Variants in EXOC6 observed in about 807,000 individuals in gnomAD.
The protein encoded by EXOC6 is SEC15-like 1.
A neutral mutation model predicts 112.5 loss-of-function variants in EXOC6; 60 were observed. The observed-to-expected ratio is 0.53, with a 90% CI of 0.43 to 0.66. The LOEUF (loss-of-function observed/expected upper bound fraction) is 0.66. EXOC6 is among the 30% of genes least tolerant of loss of function. The probability of loss-of-function intolerance (pLI) is 0.00; values close to 1 mark genes in which losing one functional copy is unlikely to be tolerated. For missense variants in EXOC6, 855 were observed against 957.1 expected, an observed-to-expected ratio of 0.89 and a Z score of 1.41; for synonymous variants, 295 against 308.0, an observed-to-expected ratio of 0.96 and a Z score of 0.44.
intron 1 of EXOC6, among the ~76,000 whole-genome samples, chr10:92,862,124 T>C (rs974383292): frequency 6.6e-6 from 1 of 152,242 alleles, no homozygotes; most frequent in Non-Finnish European, 1.5e-5. Context: ...AAAGAAACCT[T>C]GTACACATTA....
intron 12 of EXOC6, among the ~76,000 whole-genome samples, chr10:92,938,778 T>G (rs1852497938): frequency 6.6e-6 from 1 of 152,140 alleles, no homozygotes; most frequent in South Asian, 2.1e-4. Flanking sequence ...TTTACTTACT[T>G]GTAAACGAAT....
intron 1 of EXOC6, among the ~76,000 whole-genome samples, chr10:92,880,656 T>TA (rs900319029): frequency 6.6e-5 from 10 of 151,794 alleles, no homozygotes; most frequent in Non-Finnish European, 1.3e-4. Context: ...AACCTTGTGT[T>TA]AAAAAAAATG....
intron 1 of EXOC6, chr10:92,878,354 C>T (rs1324258548): frequency 2.6e-5 from 4 of 152,044 alleles, no homozygotes; most frequent in Non-Finnish European, 4.4e-5. Context: ...AGGTCCAAGA[C>T]AGAAAAAAGG....
At chr10:92,848,436 C>A, upstream of EXOC6, 1 of 823,204 alleles carries the variant, frequency 1.2e-6, no homozygotes, top group Non-Finnish European at 1.5e-6. Context: ...CCCGAGCGCC[C>A]CGCCCCCGCC....
rs1398759870 is a variant in EXOC6, at chr10:92,848,590, G to T, written c.57G>T (p.Gln19His). 13 of 1,454,972 alleles carry T rather than the reference G, an allele frequency of 8.9e-6. No individual in the cohort carries two copies. The highest frequency in any genetic ancestry group is 1.0e-5 in the Non-Finnish European group (11 of 1,087,138). The allele number at this position is 1,454,972 out of a possible 1,614,324, so 90.1% of individuals were successfully genotyped here. ...TCCCCGAGCACGAGCGGATCTTGCA[G>T]GAGATCGAGAGCACCGACACCGCCT... ...GTVPEHERIL[Q>H]EIESTDTACV... Residue 19 changes from glutamine (Q) to histidine (H), a missense_variant, in exon 1 of 22, where the codon CAG becomes CAT. This residue lies in a region of EXOC6 where 405 missense variants were observed against 393.6 expected (regional missense o/e 1.03). Transcript: ENST00000260762.
intron 6 of EXOC6, among the ~76,000 whole-genome samples, chr10:92,911,927 CTCTCTGTGTGCGTGTG>C (rs1420003370): frequency 3.0e-5 from 3 of 99,466 alleles, no homozygotes; most frequent in African/African-American, 1.1e-4. Context: ...CTCTCTCTCT[CTCTCTGTGTGCGTGTG>C]TGTGTGTGTG....
At chr10:92,964,531 A>G (rs1380036417) in intron 17 of EXOC6, among the ~76,000 whole-genome samples, 1 of 152,224 alleles carries the variant, frequency 6.6e-6, no homozygotes, top group South Asian at 2.1e-4. Flanking sequence ...TATTGCCTAC[A>G]TATTTGAAGC....
chr10:92,914,669 A>G (rs1850984432), intron 6 of EXOC6, among the ~76,000 whole-genome samples: 1 of 152,200 alleles, frequency 6.6e-6, no homozygotes, highest in Admixed American at 6.5e-5. Flanking sequence ...GGGGGCAGCC[A>G]GGATCAAAGT....
At chr10:92,996,265 G>T (rs1453225067) in intron 18 of EXOC6, among the ~76,000 whole-genome samples, 1 of 152,110 alleles carries the variant, frequency 6.6e-6, no homozygotes, top group Non-Finnish European at 1.5e-5. Context: ...GTCAGTTGAA[G>T]GTAGCCATCC....
chr10:92,837,097 A>AAC (rs58871930), intron 1 of EXOC6, among the ~76,000 whole-genome samples: 34,384 of 139,496 alleles, frequency 0.25, 4,675 homozygotes, highest in East Asian at 0.69. Flanking sequence ...GTTATAACAT[A>AAC]ACACACACAC....
intron 20 of EXOC6, among the ~76,000 whole-genome samples, chr10:93,022,776 T>C (rs2134263320): frequency 6.6e-6 from 1 of 151,348 alleles, no homozygotes; most frequent in East Asian, 1.9e-4. Flanking sequence ...AAGTCTCACA[T>C]GAGGTGATAA....
rs183199985 is a variant in EXOC6, at chr10:93,037,739, T to C, written c.2170-19185T>C. On this transcript the variant is annotated intron_variant, in intron 20 of 21. Transcript: ENST00000260762. ...ACAGGTGTGAGCCACCGCACCTGGC[T>C]ATTACTCATTTTTAAGAAATATTTT... 6.5e-3 allele frequency among the ~76,000 whole-genome samples: 988 copies of C among 151,136 alleles called. 11 individuals carry two copies. Among genetic ancestry groups the C allele is most frequent in the African/African-American group, 0.022 (927 of 41,384 alleles).
chr10:92,979,743 G>A (rs34272306), intron 18 of EXOC6, among the ~76,000 whole-genome samples: 4 of 151,674 alleles, frequency 2.6e-5, no homozygotes, highest in South Asian at 2.1e-4. Flanking sequence ...CAGCGTGGGC[G>A]ATATAGTGAA....
chr10:93,002,876 G>A (rs1413678647), intron 19 of EXOC6, among the ~76,000 whole-genome samples: 1 of 152,108 alleles, frequency 6.6e-6, no homozygotes, highest in Non-Finnish European at 1.5e-5. Flanking sequence ...TTCTCTTGAA[G>A]ACTCTCAGAA....
At chr10:92,897,932 C>G (rs1051997155) in intron 4 of EXOC6, among the ~76,000 whole-genome samples, 4 of 152,128 alleles carry the variant, frequency 2.6e-5, no homozygotes, top group Non-Finnish European at 5.9e-5. Flanking sequence ...ACGACTTGGG[C>G]ACATGTTTTC....
At chr10:93,011,495 A>G (rs578218741) in intron 19 of EXOC6, among the ~76,000 whole-genome samples, 1 of 152,150 alleles carries the variant, frequency 6.6e-6, no homozygotes, top group Admixed American at 6.5e-5. Context: ...TCCTGGCTTC[A>G]AGCAATCCTC....
intron 1 of EXOC6, among the ~76,000 whole-genome samples, chr10:92,860,875 C>T (rs967136451): frequency 2.6e-5 from 4 of 152,092 alleles, no homozygotes; most frequent in Non-Finnish European, 4.4e-5. Context: ...ATTTGTGTTG[C>T]GTCCTCCTTT....
At chr10:93,056,050 A>C (rs1846525483) in intron 20 of EXOC6, among the ~76,000 whole-genome samples, 1 of 152,258 alleles carries the variant, frequency 6.6e-6, no homozygotes, top group African/African-American at 2.4e-5. Flanking sequence ...GAAAGAATAT[A>C]AAAACTAAAG....
At chr10:92,858,283 A>T (rs900806056) in intron 1 of EXOC6, among the ~76,000 whole-genome samples, 1 of 152,100 alleles carries the variant, frequency 6.6e-6, no homozygotes, top group Non-Finnish European at 1.5e-5. Flanking sequence ...AATTTTGGAA[A>T]TTTTAAATTA....
Sources: gnomAD v4.1 joint callset for allele counts (sites outside exome capture counted in the v4.1 genomes callset) on GRCh38, gnomAD v4.1.1 for gene constraint, gnomAD v4.1.1 regional missense constraint, MANE v1.5 for transcripts, NCBI Gene and HGNC (gene_info 2026-07-23, HGNC 2026-07-21) for gene names.